The following DTNA variants were observed in gnomAD, a reference collection of about 807,000 sequenced individuals.
DTNA encodes dystrophin-related protein 3.
In DTNA, 43 loss-of-function variants were observed where a neutral mutation model predicts 100.7. The ratio of observed to expected loss-of-function variants is 0.43; its 90% CI spans 0.33 to 0.55. The LOEUF is 0.55. DTNA is among the 20% of genes least tolerant of loss of function. DTNA has a pLI of 0.04. For synonymous variants in DTNA, 349 were observed against 347.9 expected, an observed-to-expected ratio of 1.00 and a Z score of -0.04; for missense variants, 798 against 953.9, an observed-to-expected ratio of 0.84 and a Z score of 2.15.
chr18:34,501,612 T>C (rs1241078772), intron 1 of DTNA, among the ~76,000 whole-genome samples: 1 of 152,200 alleles, frequency 6.6e-6, no homozygotes, highest in African/African-American at 2.4e-5. Context: ...TTTAGGGCTT[T>C]TTTGTTTTTA....
chr18:34,570,880 G>A (rs1021877466), intron 1 of DTNA, among the ~76,000 whole-genome samples: 1 of 152,152 alleles, frequency 6.6e-6, no homozygotes, highest in African/African-American at 2.4e-5. Context: ...GGCTCCAGGG[G>A]AGGAGTGAAG....
chr18:34,722,169 C>G (rs1269267745), intron 1 of DTNA, among the ~76,000 whole-genome samples: 1 of 151,954 alleles, frequency 6.6e-6, no homozygotes, highest in Non-Finnish European at 1.5e-5. Context: ...ATCTGAGATT[C>G]TTTTGATTAG....
intron 1 of DTNA, among the ~76,000 whole-genome samples, chr18:34,646,227 C>T (rs1816519716): frequency 6.6e-6 from 1 of 152,106 alleles, no homozygotes; most frequent in Admixed American, 6.5e-5. Context: ...AAACTGGACA[C>T]ATTACTTAAA....
At chr18:34,660,554 C>T (rs1017984733) in intron 1 of DTNA, among the ~76,000 whole-genome samples, 6 of 152,022 alleles carry the variant, frequency 3.9e-5, no homozygotes, top group Non-Finnish European at 8.8e-5. Context: ...CCTTCCCTTT[C>T]CAGGTCTTTT....
intron 1 of DTNA, among the ~76,000 whole-genome samples, chr18:34,610,535 GT>G (rs1350454604): frequency 6.6e-6 from 1 of 152,176 alleles, no homozygotes; most frequent in Non-Finnish European, 1.5e-5. Flanking sequence ...AGCATGTACA[GT>G]TTGTTTTCAG....
rs370410521 is a variant in DTNA, at chr18:34,886,865, A to G, written c.*32-901A>G. On this transcript the variant is annotated intron_variant, in intron 22 of 22. Coordinates refer to ENST00000444659, the MANE Select transcript of DTNA (RefSeq NM_001386795.1). ...GCTTTTCATTTTTGCAGCTGGTTCT[A>G]TCCTATTGTACTTTTTCTTAATGTA... Among the ~76,000 whole-genome samples the G allele has an allele frequency of 1.4e-3, 209 of 152,332 alleles. 4 individuals are homozygous for G. In the South Asian group the frequency reaches 0.041, roughly 30 times the overall value.
chr18:34,816,148 C>T (rs187035460), intron 7 of DTNA, 134 bp downstream of exon 7: 1 of 837,328 alleles, frequency 1.2e-6, no homozygotes, highest in East Asian at 2.5e-5. Context: ...TAGGGTAGAA[C>T]TAACCCATCT....
intron 1 of DTNA, among the ~76,000 whole-genome samples, chr18:34,643,126 A>G (rs2059477810): frequency 6.6e-6 from 1 of 152,218 alleles, no homozygotes; most frequent in East Asian, 1.9e-4. Context: ...GCCAGTCTTT[A>G]GTGGGTACAG....
rs571041519 is a variant in DTNA at position 34,625,283 on chromosome 18, C to T, written c.-1-130693C>T. On this transcript the variant is annotated intron_variant, in intron 1 of 19. Transcript: ENST00000283365. ...ACCTCAGGCAGTCCACCTGCCTCGG[C>T]CTCCCAAAGTGCTGGGATTACAGGT... Among the ~76,000 whole-genome samples, 76 of 152,318 alleles carry T rather than the reference C, an allele frequency of 5.0e-4. No individual in the cohort carries two copies. In the South Asian group the frequency reaches 0.014, roughly 28 times the overall value.
chr18:34,505,346 C>G (rs1463017203), intron 1 of DTNA, among the ~76,000 whole-genome samples: 1 of 152,160 alleles, frequency 6.6e-6, no homozygotes, highest in Non-Finnish European at 1.5e-5. Flanking sequence ...TAGGAGCCAC[C>G]TGGATAGTGC....
chr18:34,764,686 A>G (rs1436101127), intron 2 of DTNA, among the ~76,000 whole-genome samples: 3 of 152,228 alleles, frequency 2.0e-5, no homozygotes, highest in Non-Finnish European at 4.4e-5. Flanking sequence ...GACACTTGCT[A>G]ATTCATGCTG....
intron 1 of DTNA, among the ~76,000 whole-genome samples, chr18:34,512,619 T>G (rs1383616094): frequency 1.3e-5 from 2 of 152,052 alleles, no homozygotes; most frequent in African/African-American, 2.4e-5. Context: ...GGGATTCTTT[T>G]AAGTAGGAGT....
At chr18:34,845,036 T>C (rs2096351075) in intron 13 of DTNA, among the ~76,000 whole-genome samples, 1 of 152,202 alleles carries the variant, frequency 6.6e-6, no homozygotes, top group Non-Finnish European at 1.5e-5. Flanking sequence ...AGATTACTGA[T>C]TATAAAGTCC....
chr18:34,806,385 C>G, intron 5 of DTNA, 81 bp downstream of exon 5: 2 of 1,135,790 alleles, frequency 1.8e-6, no homozygotes, highest in South Asian at 2.6e-5. Context: ...CTCTATGTCC[C>G]CTCCCCATTT....
At chr18:34,689,501 G>A (rs2079422171) in intron 1 of DTNA, among the ~76,000 whole-genome samples, 2 of 152,180 alleles carry the variant, frequency 1.3e-5, no homozygotes, top group African/African-American at 4.8e-5. Flanking sequence ...ATTGCTGCCT[G>A]CTCCTTCCTC....
At chr18:34,743,919 C>CT (rs1349394941) in intron 1 of DTNA, among the ~76,000 whole-genome samples, 2 of 152,032 alleles carry the variant, frequency 1.3e-5, no homozygotes, top group African/African-American at 4.8e-5. Flanking sequence ...GCCGTTGACC[C>CT]TCTCATCTTC....
At chr18:34,634,569 T>C (rs1326582170) in intron 1 of DTNA, among the ~76,000 whole-genome samples, 3 of 152,156 alleles carry the variant, frequency 2.0e-5, no homozygotes, top group Non-Finnish European at 4.4e-5. Flanking sequence ...TTGGTTGAAG[T>C]ATGTGAAGAA....
intron 1 of DTNA, among the ~76,000 whole-genome samples, chr18:34,630,416 T>C: frequency 6.6e-6 from 1 of 152,220 alleles, no homozygotes; most frequent in East Asian, 1.9e-4. Context: ...ATGATCATTT[T>C]ACTCTGTAAT....
At chr18:34,639,249 C>G (rs1275308678) in intron 1 of DTNA, among the ~76,000 whole-genome samples, 1 of 152,138 alleles carries the variant, frequency 6.6e-6, no homozygotes, top group Non-Finnish European at 1.5e-5. Flanking sequence ...CTGTCCTGTG[C>G]TTTGTGGCAT....
Sources: allele counts gnomAD v4.1 joint callset (sites outside exome capture counted in the v4.1 genomes callset), GRCh38; gene constraint gnomAD v4.1.1; transcripts MANE v1.5; gene names NCBI Gene and HGNC (gene_info 2026-07-23, HGNC 2026-07-21).